Variants in SLC6A15 observed in about 807,000 individuals in gnomAD.
SLC6A15 encodes sodium-dependent neutral amino acid transporter B(0)AT2.
A neutral mutation model predicts 68.5 loss-of-function variants in SLC6A15; 33 were observed. The observed-to-expected ratio is 0.48, with a 90% CI of 0.37 to 0.64. The LOEUF is 0.64. SLC6A15 is among the 30% of genes least tolerant of loss of function. The probability of loss-of-function intolerance (pLI) is 0.00; values close to 1 mark genes in which losing one functional copy is unlikely to be tolerated. For synonymous variants in SLC6A15, 347 were observed against 301.0 expected (o/e 1.15, Z -1.58); for missense variants, 747 against 874.3 (o/e 0.85, Z 1.84).
At chr12:84,891,300 G>C (rs972225863) in intron 2 of SLC6A15, among the ~76,000 whole-genome samples, 1 of 152,150 alleles carries the variant, frequency 6.6e-6, no homozygotes, top group African/African-American at 2.4e-5. Flanking sequence ...AGAATGTCTA[G>C]CATTGTATTA....
intron 5 of SLC6A15, chr12:84,882,096 C>G: frequency 1.0e-6 from 1 of 985,342 alleles, no homozygotes; most frequent in Non-Finnish European, 1.2e-6. Context: ...ATGAATAGTT[C>G]TTTAAGTGAT....
rs760312769 is a variant in SLC6A15, at chr12:84,886,109, C to T, written c.290-41G>A. On this transcript the variant is annotated intron_variant, in intron 2 of 11. Transcript: ENST00000266682. ...CAAAAAATAGATTATATTTTCAATACAGTAGAAAATACACTAGTTCAGTTT... is the reference window on the plus strand; with the variant it reads ...CAAAAAATAGATTATATTTTCAATATAGTAGAAAATACACTAGTTCAGTTT... 3 of 1,379,934 alleles carry T rather than the reference C, an allele frequency of 2.2e-6. No homozygotes were observed. In the South Asian group the frequency reaches 3.7e-5, roughly 17 times the overall value. 85.5% of individuals were successfully genotyped at this position (1,379,934 alleles called of 1,614,324 possible).
intron 1 of SLC6A15, among the ~76,000 whole-genome samples, chr12:84,895,995 T>C (rs1346959179): frequency 6.6e-6 from 1 of 151,940 alleles, no homozygotes; most frequent in Non-Finnish European, 1.5e-5. Flanking sequence ...TGAAGAGAAA[T>C]GTCCAGGAAG....
chr12:84,891,712 T>G, intron 2 of SLC6A15, 120 bp downstream of exon 2: 1 of 1,094,232 alleles, frequency 9.1e-7, no homozygotes, highest in South Asian at 1.7e-5. Flanking sequence ...AGTGGGTTTC[T>G]CTAGCTTTAC....
intron 1 of SLC6A15, among the ~76,000 whole-genome samples, chr12:84,894,370 T>C (rs2120687034): frequency 1.3e-5 from 2 of 152,272 alleles, no homozygotes. Flanking sequence ...AATTTGGAGT[T>C]GTGTCCTAGC....
rs556077287 is a variant in SLC6A15 at position 84,865,156 on chromosome 12, C to T, written c.1656-1555G>A. 2.0e-5 allele frequency among the ~76,000 whole-genome samples: 3 copies of T among 152,258 alleles called. No homozygotes were observed. In the East Asian group the frequency reaches 5.8e-4, roughly 29 times the overall value. On this transcript the variant is annotated intron_variant, in intron 10 of 11. Coordinates refer to ENST00000266682, the MANE Select transcript of SLC6A15 (RefSeq NM_182767.6). Reference sequence around the variant, plus strand: ...GTAGCCTAGTAAAGCTTAGAGAAACCTGGCCTTGAAATGAAGGTCAAGGTT... The same window carrying T: ...GTAGCCTAGTAAAGCTTAGAGAAACTTGGCCTTGAAATGAAGGTCAAGGTT...
chr12:84,876,116 C>T (rs1235908250), intron 6 of SLC6A15, among the ~76,000 whole-genome samples: 2 of 149,696 alleles, frequency 1.3e-5, no homozygotes, highest in Admixed American at 6.7e-5. Context: ...AAAAAATCCT[C>T]GTCACTTTTT....
At chr12:84,907,605 A>G (rs889784146) in intron 1 of SLC6A15, among the ~76,000 whole-genome samples, 4 of 152,182 alleles carry the variant, frequency 2.6e-5, no homozygotes, top group African/African-American at 9.7e-5. Context: ...ATTACTGGTG[A>G]GAATGTAAAA....
At chr12:84,886,602 A>C (rs1872114994) in intron 2 of SLC6A15, among the ~76,000 whole-genome samples, 1 of 151,762 alleles carries the variant, frequency 6.6e-6, no homozygotes, top group Non-Finnish European at 1.5e-5. Context: ...AAAAAAAAAA[A>C]CAGCAACATA....
chr12:84,876,995 T>A (rs1408156991), intron 5 of SLC6A15, among the ~76,000 whole-genome samples: 1 of 152,204 alleles, frequency 6.6e-6, no homozygotes, highest in African/African-American at 2.4e-5. Context: ...TATTTCTTTT[T>A]CTTTTAACCA....
intron 1 of SLC6A15, among the ~76,000 whole-genome samples, chr12:84,908,873 C>T (rs551303225): frequency 2.0e-5 from 3 of 152,082 alleles, no homozygotes; most frequent in African/African-American, 7.2e-5. Flanking sequence ...ATAAATTCTT[C>T]AAAACTCTTG....
chr12:84,899,707 T>C (rs768791708), intron 1 of SLC6A15, among the ~76,000 whole-genome samples: 1 of 152,160 alleles, frequency 6.6e-6, no homozygotes, highest in Non-Finnish European at 1.5e-5. Context: ...TCTATGTATA[T>C]GAACATAAAT....
At position 84,892,036 on chromosome 12, in the gene SLC6A15, C is replaced by A; in HGVS notation, c.85G>T (p.Ala29Ser). 6.2e-7 allele frequency: 1 copy of A among 1,613,502 alleles called. No homozygotes were observed. Reference sequence around the variant, plus strand: ...CTTGTCTTAAAAGCATCATCAGCTGCGTCTTCATTGGAAAGAAGGTCTTTG... The same window carrying A: ...CTTGTCTTAAAAGCATCATCAGCTGAGTCTTCATTGGAAAGAAGGTCTTTG... ...SVKDLLSNED[A>S]ADDAFKTSEL... The change falls in exon 2 of 12, where the codon GCA (alanine) becomes TCA (serine). Residue 29 changes from alanine (A) to serine (S), a missense_variant. Physicochemically the swap from Ala to Ser is moderately conservative, Grantham distance 99. Transcript: ENST00000266682.
intron 1 of SLC6A15, among the ~76,000 whole-genome samples, chr12:84,900,254 T>C (rs1047691541): frequency 3.9e-5 from 6 of 152,016 alleles, no homozygotes; most frequent in African/African-American, 1.4e-4. Context: ...TGCAAATTCT[T>C]TTCTTAGGTT....
intron 1 of SLC6A15, among the ~76,000 whole-genome samples, chr12:84,898,361 A>G (rs985592618): frequency 5.3e-5 from 8 of 152,102 alleles, no homozygotes; most frequent in African/African-American, 1.7e-4. Flanking sequence ...AACAAACAAA[A>G]AACAACTTAT....
At position 84,892,305 on chromosome 12, in the gene SLC6A15, G is replaced by T; in HGVS notation, c.-185C>A. 1 of 485,190 alleles carries T rather than the reference G, an allele frequency of 2.1e-6. No individual in the cohort carries two copies. The highest frequency in any genetic ancestry group is 3.6e-6 in the Non-Finnish European group (1 of 281,608). The allele number at this position is 485,190 out of a possible 1,614,324, so 30.1% of individuals were successfully genotyped here. A position where few individuals can be genotyped will look rare whatever the true frequency, so the allele number is the denominator to read the frequency against. ...AATCCGTATGTCCAGTATTCTGTAG[G>T]TACCTGTAAAATTATAAGTTGAAAT... On this transcript the variant is annotated 5_prime_UTR_variant, in exon 2 of 12. Transcript: ENST00000266682.
intron 2 of SLC6A15, among the ~76,000 whole-genome samples, chr12:84,888,490 T>C (rs1476144906): frequency 6.6e-6 from 1 of 152,104 alleles, no homozygotes; most frequent in African/African-American, 2.4e-5. Flanking sequence ...AGGCCATTAT[T>C]CTAAGTGAAA....
chr12:84,908,085 C>T (rs188782059), intron 1 of SLC6A15, among the ~76,000 whole-genome samples: 3 of 152,148 alleles, frequency 2.0e-5, no homozygotes, highest in Admixed American at 6.5e-5. Flanking sequence ...ACAGTTAATC[C>T]TTATGTAATG....
intron 9 of SLC6A15, among the ~76,000 whole-genome samples, chr12:84,869,270 T>C (rs991865748): frequency 1.3e-5 from 2 of 152,000 alleles, no homozygotes; most frequent in East Asian, 1.9e-4. Flanking sequence ...CCATCCTGGC[T>C]AACACGGTGA....
Sources: allele counts gnomAD v4.1 joint callset (sites outside exome capture counted in the v4.1 genomes callset), GRCh38; gene constraint gnomAD v4.1.1; transcripts MANE v1.5; gene names NCBI Gene and HGNC (gene_info 2026-07-23, HGNC 2026-07-21).